The following MRPS28 variants were observed in gnomAD, a reference collection of about 807,000 sequenced individuals.
MRPS28 encodes mitochondrial ribosomal protein S28.
MRPS28 carries 7 observed loss-of-function variants against 10.8 expected under a neutral mutation model. The observed-to-expected ratio is 0.65, with a 90% CI of 0.37 to 1.22. The LOEUF is 1.22. MRPS28 is among the 50% of genes most tolerant of loss of function. MRPS28 has a pLI of 0.02. For synonymous variants in MRPS28, 121 were observed against 93.3 expected, an observed-to-expected ratio of 1.30 and a Z score of -1.71; for missense variants, 265 against 232.9, an observed-to-expected ratio of 1.14 and a Z score of -0.90.
intron 2 of MRPS28, among the ~76,000 whole-genome samples, chr8:79,928,349 AAC>A: frequency 6.6e-6 from 1 of 151,928 alleles, no homozygotes; most frequent in Non-Finnish European, 1.5e-5. Context: ...TTAAATTAAA[AAC>A]AAAAAGAGAC....
chr8:79,959,280 C>A (rs565317993), intron 2 of MRPS28, among the ~76,000 whole-genome samples: 1 of 152,044 alleles, frequency 6.6e-6, no homozygotes, highest in South Asian at 2.1e-4. Context: ...ACAGGTCTCA[C>A]AAGCTGAGAG....
intron 1 of MRPS28, among the ~76,000 whole-genome samples, chr8:80,020,317 A>G (rs1809320879): frequency 6.6e-6 from 1 of 152,134 alleles, no homozygotes; most frequent in South Asian, 2.1e-4. Context: ...AGGGAGGTAT[A>G]ATGAGGCACG....
chr8:80,019,183 A>G (rs1469317046), intron 1 of MRPS28, among the ~76,000 whole-genome samples: 1 of 151,808 alleles, frequency 6.6e-6, no homozygotes, highest in Admixed American at 6.6e-5. Flanking sequence ...ATATTTAAAA[A>G]TAACTAAAAG....
chr8:79,978,735 C>T (rs531544956), intron 2 of MRPS28, among the ~76,000 whole-genome samples: 4 of 152,268 alleles, frequency 2.6e-5, no homozygotes, highest in East Asian at 1.9e-4. Flanking sequence ...TAAATAAATA[C>T]GCAGTTTCCA....
chr8:79,983,878 A>G (rs1415645644), intron 2 of MRPS28, among the ~76,000 whole-genome samples: 1 of 152,232 alleles, frequency 6.6e-6, no homozygotes, highest in Non-Finnish European at 1.5e-5. Context: ...GAACTTCCCC[A>G]ATCTAGCAAG....
chr8:80,018,219 G>C (rs1048502819), intron 1 of MRPS28, among the ~76,000 whole-genome samples: 1 of 134,992 alleles, frequency 7.4e-6, no homozygotes, highest in Non-Finnish European at 1.5e-5. Flanking sequence ...CATGAACCCG[G>C]AAGGAGGCAG....
chr8:80,030,026 C>CGGGCTCCACCTTCTGTAG lies in MRPS28; in HGVS notation c.205_213+9dup. 2,300 of 1,609,978 alleles carry CGGGCTCCACCTTCTGTAG rather than the reference C, an allele frequency of 1.4e-3. 17 individuals carry two copies. Among genetic ancestry groups the CGGGCTCCACCTTCTGTAG allele is most frequent in the African/African-American group, 3.2e-3 (236 of 73,780 alleles). ...TTCCCGCGACTCCCTCTCACCCGCCCGGGCTCCACCTTCTGTAGGGGCTCC... is the reference window on the plus strand; with the variant it reads ...TTCCCGCGACTCCCTCTCACCCGCCCGGGCTCCACCTTCTGTAGGGGCTCCACCTTCTGTAGGGGCTCC... On this transcript the variant is annotated intron_variant, in intron 1 of 2. Coordinates refer to ENST00000276585, the MANE Select transcript of MRPS28 (RefSeq NM_014018.3).
chr8:79,926,185 C>G (rs919860012), intron 2 of MRPS28, among the ~76,000 whole-genome samples: 1 of 151,902 alleles, frequency 6.6e-6, no homozygotes, highest in African/African-American at 2.4e-5. Flanking sequence ...TTTCAGGTAC[C>G]TGAAATATGC....
At chr8:79,930,476 T>A (rs572782309) in intron 2 of MRPS28, among the ~76,000 whole-genome samples, 2 of 152,390 alleles carry the variant, frequency 1.3e-5, no homozygotes, top group Admixed American at 1.3e-4. Flanking sequence ...AAATGCTATA[T>A]AACACATCTG....
At chr8:79,964,361 C>T (rs1371898286) in intron 2 of MRPS28, among the ~76,000 whole-genome samples, 1 of 152,092 alleles carries the variant, frequency 6.6e-6, no homozygotes, top group Non-Finnish European at 1.5e-5. Flanking sequence ...AAAATTCTAA[C>T]ACAATTCAGC....
intron 2 of MRPS28, among the ~76,000 whole-genome samples, chr8:79,978,937 C>T (rs1807874527): frequency 1.3e-5 from 2 of 151,998 alleles, no homozygotes; most frequent in Non-Finnish European, 1.5e-5. Flanking sequence ...ATCAGAAATT[C>T]TCTGAAACAA....
At chr8:79,992,631 A>G (rs1808397332) in intron 2 of MRPS28, among the ~76,000 whole-genome samples, 1 of 152,234 alleles carries the variant, frequency 6.6e-6, no homozygotes, top group Admixed American at 6.5e-5. Context: ...CATTAAGCAC[A>G]TTATGATTAA....
At chr8:80,003,585 G>GT (rs1318353189) in intron 1 of MRPS28, among the ~76,000 whole-genome samples, 2 of 152,200 alleles carry the variant, frequency 1.3e-5, no homozygotes, top group African/African-American at 2.4e-5. Context: ...CAGAAGACAG[G>GT]TGATTTCTGC....
intron 1 of MRPS28, among the ~76,000 whole-genome samples, chr8:80,011,135 A>ATT (rs149203015): frequency 2.1e-4 from 28 of 136,112 alleles, no homozygotes; most frequent in African/African-American, 7.0e-4. Context: ...TTATTTTTTT[A>ATT]TTTTTATTTT....
intron 1 of MRPS28, among the ~76,000 whole-genome samples, chr8:80,014,625 T>C (rs1809147297): frequency 6.6e-6 from 1 of 152,232 alleles, no homozygotes; most frequent in Non-Finnish European, 1.5e-5. Flanking sequence ...TAATTATATC[T>C]ATCTATTTTA....
chr8:79,926,259 G>A (rs1810232769), intron 2 of MRPS28, among the ~76,000 whole-genome samples: 1 of 152,088 alleles, frequency 6.6e-6, no homozygotes, highest in South Asian at 2.1e-4. Context: ...AAAGGGATAC[G>A]TTTTGGAGTA....
At chr8:79,920,871 T>C (rs1418680289) in intron 2 of MRPS28, among the ~76,000 whole-genome samples, 1 of 152,234 alleles carries the variant, frequency 6.6e-6, no homozygotes, top group African/African-American at 2.4e-5. Context: ...CGCATGCCTA[T>C]GTCCTGAATA....
At chr8:80,008,645 T>C (rs1808936353) in intron 1 of MRPS28, among the ~76,000 whole-genome samples, 2 of 152,234 alleles carry the variant, frequency 1.3e-5, no homozygotes, top group South Asian at 4.1e-4. Flanking sequence ...AAAGAAGACA[T>C]TTATGCAACC....
At chr8:80,005,254 C>A (rs1271648602) in intron 1 of MRPS28, among the ~76,000 whole-genome samples, 1 of 152,136 alleles carries the variant, frequency 6.6e-6, no homozygotes, top group Non-Finnish European at 1.5e-5. Context: ...AGGTTACCCA[C>A]AAAGGGAAGG....
Sources: allele counts gnomAD v4.1 joint callset (sites outside exome capture counted in the v4.1 genomes callset), GRCh38; gene constraint gnomAD v4.1.1; transcripts MANE v1.5; gene names NCBI Gene and HGNC (gene_info 2026-07-23, HGNC 2026-07-21).